The following ADAM28 variants were observed in gnomAD, a reference collection of about 807,000 sequenced individuals.
ADAM28 encodes ADAM metallopeptidase domain 28.
ADAM28 carries 105 observed loss-of-function variants against 101.2 expected under a neutral mutation model. That is an observed-to-expected ratio of 1.04 (90% CI 0.89 to 1.22). ADAM28 has a LOEUF of 1.22. ADAM28 is among the 50% of genes most tolerant of loss of function. The probability of loss-of-function intolerance (pLI) is 0.00; values close to 1 mark genes in which losing one functional copy is unlikely to be tolerated. For synonymous variants in ADAM28, 322 were observed against 310.6 expected (o/e 1.04, Z -0.39); for missense variants, 1,028 against 945.4 (o/e 1.09, Z -1.15).
chr8:24,325,881 A>AAAAAAAAAAAAAAAAAAAAAC (rs1812503541), intron 9 of ADAM28, among the ~76,000 whole-genome samples: 1 of 144,880 alleles, frequency 6.9e-6, no homozygotes, highest in Non-Finnish European at 1.5e-5. Flanking sequence ...CAAAAAAAAA[A>AAAAAAAAAAAAAAAAAAAAAC]AAAAAAAAAA....
At position 24,357,693 on chromosome 8, in the gene ADAM28, G is replaced by A. The variant is rs982107985; in HGVS notation, c.*3289G>A. The A allele has an allele frequency of 6.6e-6, 1 of 152,100 alleles. No homozygotes were observed. The highest frequency in any genetic ancestry group is 2.4e-5 in the African/African-American group (1 of 41,424). The allele number at this position is 152,100 out of a possible 1,614,324, so 9.4% of individuals were successfully genotyped here. ...TGGACACAGAGCCAAACCATATAAT[G>A]TTTTAAATGCTCCAGATAGGTTTAG... is the stretch of plus-strand genomic sequence containing the variant. On this transcript the variant is annotated 3_prime_UTR_variant, in exon 23 of 23. Coordinates refer to ENST00000265769, the MANE Select transcript of ADAM28 (RefSeq NM_014265.6).
At position 24,311,373 on chromosome 8, in the gene ADAM28, T is replaced by A. The variant is rs146233452; in HGVS notation, c.319T>A (p.Tyr107Asn). 31 of 1,612,480 alleles carry A rather than the reference T, an allele frequency of 1.9e-5. No individual in the cohort carries two copies. The highest frequency in any genetic ancestry group is 2.5e-6 in the Non-Finnish European group (3 of 1,179,284). ...CCTTTTCCTTTAGGATGATTGTTAT[T>A]ATCAAGGACATATTCTTAATGAAAA... The part of the protein sequence containing the change: ...TSPQIMDDCY[Y>N]QGHILNEKVS... The change falls in exon 5 of 23, where the codon TAT (tyrosine) becomes AAT (asparagine). Residue 107 changes from tyrosine to asparagine, a missense_variant. Physicochemically the swap from Tyr to Asn is moderately radical, Grantham distance 143. Coordinates refer to ENST00000265769, the MANE Select transcript of ADAM28 (RefSeq NM_014265.6).
At chr8:24,325,352 A>G (rs1585627091) in intron 9 of ADAM28, among the ~76,000 whole-genome samples, 1 of 152,038 alleles carries the variant, frequency 6.6e-6, no homozygotes, top group Non-Finnish European at 1.5e-5. Flanking sequence ...CCAGTTATGC[A>G]ATTAATGTCT....
At chr8:24,342,728 C>T (rs915874628) in intron 16 of ADAM28, among the ~76,000 whole-genome samples, 1 of 152,098 alleles carries the variant, frequency 6.6e-6, no homozygotes, top group Admixed American at 6.6e-5. Flanking sequence ...ATGGATGTTG[C>T]AGTGCTTGGG....
At chr8:24,329,847 CTGTGTGTG>C (rs148363179) in intron 10 of ADAM28, 130 bp from the exon 11 acceptor site, 3 of 672,536 alleles carry the variant, frequency 4.5e-6, no homozygotes, top group Admixed American at 3.0e-5. Flanking sequence ...CTCTCTTGCT[CTGTGTGTG>C]TGTGTGTGTG....
intron 8 of ADAM28, among the ~76,000 whole-genome samples, chr8:24,321,950 T>C (rs1448945107): frequency 6.6e-4 from 100 of 152,122 alleles, no homozygotes; most frequent in Non-Finnish European, 4.4e-5. Context: ...GTTGGATATA[T>C]AGTTGGCATA....
intron 18 of ADAM28, among the ~76,000 whole-genome samples, chr8:24,345,396 A>T (rs1360416960): frequency 2.0e-5 from 3 of 151,984 alleles, no homozygotes; most frequent in African/African-American, 7.2e-5. Context: ...TTTTCTTGTT[A>T]ATTCTGGGGA....
intron 11 of ADAM28, among the ~76,000 whole-genome samples, 199 bp downstream of exon 11, chr8:24,330,314 TG>T (rs1765920164): frequency 1.3e-5 from 2 of 152,300 alleles, no homozygotes; most frequent in South Asian, 4.1e-4. Context: ...TCTTTGCTGA[TG>T]GGGCAATTCA....
At chr8:24,335,903 A>T in intron 14 of ADAM28, 1 of 1,145,790 alleles carries the variant, frequency 8.7e-7, no homozygotes, top group Non-Finnish European at 1.1e-6. Flanking sequence ...GCATCAGTAT[A>T]TCCCATGCAA....
At chr8:24,310,603 A>G (rs929434750) in intron 4 of ADAM28, among the ~76,000 whole-genome samples, 2 of 152,140 alleles carry the variant, frequency 1.3e-5, no homozygotes, top group Non-Finnish European at 2.9e-5. Context: ...CCTCAATGGC[A>G]ATTGCAGAAT....
rs111617335 is a variant in ADAM28 at position 24,311,025 on chromosome 8, A to T, written c.307-336A>T. Among the ~76,000 whole-genome samples the T allele has an allele frequency of 8.4e-3, 1,273 of 152,302 alleles. 18 individuals are homozygous for T. The highest frequency in any genetic ancestry group is 0.029 in the African/African-American group (1,211 of 41,568). On this transcript the variant is annotated intron_variant, in intron 4 of 22. Transcript: ENST00000265769. ...TTGCTAGAAAGAAGTTAATGAGAAA[A>T]TGGCCAAAAGGAAAAATGAGTGTCC...
At position 24,349,893 on chromosome 8, in the gene ADAM28, C is replaced by T; in HGVS notation, c.2020C>T (p.Pro674Ser). The T allele has an allele frequency of 1.2e-6, 2 of 1,613,636 alleles. No individual in the cohort carries two copies. The highest frequency in any genetic ancestry group is 2.2e-5 in the East Asian group (1 of 44,814). Reference protein sequence around the residue: ...HFSIVVGVLFPMAVIFVVVAM... With the variant: ...HFSIVVGVLFSMAVIFVVVAM... ...CTCCATTGTGGTTGGGGTGCTGTTC[C>T]CAATGGCGGTCATTTTTGTGGTGGT... Residue 674 changes from proline (P) to serine (S), a missense_variant, in exon 19 of 23, where the codon CCA becomes TCA. By Grantham distance (74) the Pro-to-Ser change is moderately conservative (BLOSUM62 -1). Transcript: ENST00000265769.
intron 8 of ADAM28, 118 bp from the exon 9 acceptor site, chr8:24,323,716 G>T: frequency 9.7e-7 from 1 of 1,029,130 alleles, no homozygotes. Flanking sequence ...AAATATGCTT[G>T]GAAATAAGGT....
chr8:24,348,840 C>T (rs1252051500), intron 18 of ADAM28, among the ~76,000 whole-genome samples: 9 of 152,102 alleles, frequency 5.9e-5, no homozygotes, highest in Non-Finnish European at 1.0e-4. Flanking sequence ...GCCAAATTCC[C>T]ATTTATTTCT....
intron 1 of ADAM28, among the ~76,000 whole-genome samples, chr8:24,298,941 C>A (rs1808337929): frequency 6.6e-6 from 1 of 151,934 alleles, no homozygotes; most frequent in South Asian, 2.1e-4. Flanking sequence ...CCTGTAATCC[C>A]AGCACTTTGG....
At chr8:24,304,678 C>T (rs541761894) in intron 2 of ADAM28, among the ~76,000 whole-genome samples, 62 of 152,010 alleles carry the variant, frequency 4.1e-4, no homozygotes, top group African/African-American at 1.4e-3. Context: ...CCAACCTGGC[C>T]AAGGTTGTGA....
chr8:24,357,718 G>A lies in ADAM28; in HGVS notation c.*3314G>A, dbSNP rs1169610425. The A allele has an allele frequency of 6.6e-6, 1 of 151,980 alleles. No homozygotes were observed. The highest frequency in any genetic ancestry group is 2.4e-5 in the African/African-American group (1 of 41,388). 9.4% of individuals were successfully genotyped at this position (151,980 alleles called of 1,614,324 possible). ...GTTTTAAATGCTCCAGATAGGTTTA[G>A]GTAAAATTAACTATATTTAATAGGC... is the stretch of plus-strand genomic sequence containing the variant. On this transcript the variant is annotated 3_prime_UTR_variant, in exon 23 of 23. Transcript: ENST00000265769.
At chr8:24,321,364 A>G in intron 8 of ADAM28, 75 bp downstream of exon 8, 1 of 1,222,382 alleles carries the variant, frequency 8.2e-7, no homozygotes, top group Non-Finnish European at 1.2e-6. Context: ...ATGAACGCAC[A>G]TGAAGCATGG....
chr8:24,317,506 T>G (rs77264193), intron 6 of ADAM28, among the ~76,000 whole-genome samples: 7,292 of 152,074 alleles, frequency 0.048, 252 homozygotes, highest in East Asian at 0.093. Context: ...ATCGAACCCT[T>G]TTCTTATACC....
Sources: allele counts gnomAD v4.1 joint callset (sites outside exome capture counted in the v4.1 genomes callset), GRCh38; gene constraint gnomAD v4.1.1; transcripts MANE v1.5; gene names NCBI Gene and HGNC (gene_info 2026-07-23, HGNC 2026-07-21).